The following HIPK3 variants were observed in gnomAD, a reference collection of about 807,000 sequenced individuals.
The protein encoded by HIPK3 is homeodomain interacting protein kinase 3.
In HIPK3, 47 loss-of-function variants were observed where a neutral mutation model predicts 124.2. The observed-to-expected ratio is 0.38, with a 90% CI of 0.30 to 0.48. The LOEUF (loss-of-function observed/expected upper bound fraction) is 0.48, where lower values mean the gene tolerates loss of function less well. Ranked by LOEUF, HIPK3 falls within the 20% of genes least tolerant of loss-of-function variation. The pLI, the probability that HIPK3 is intolerant of heterozygous loss-of-function variation, is 0.98. For synonymous variants in HIPK3, 482 were observed against 515.2 expected (o/e 0.94, Z 0.87); for missense variants, 1,286 against 1,454.3 (o/e 0.88, Z 1.88).
intron 1 of HIPK3, among the ~76,000 whole-genome samples, chr11:33,275,193 C>T (rs1036318073): frequency 6.6e-6 from 1 of 152,054 alleles, no homozygotes; most frequent in Non-Finnish European, 1.5e-5. Flanking sequence ...TTGCGTGCCA[C>T]CATGCCTAGC....
chr11:33,300,676 T>C (rs1158918047), intron 2 of HIPK3, among the ~76,000 whole-genome samples: 1 of 152,200 alleles, frequency 6.6e-6, no homozygotes, highest in Admixed American at 6.5e-5. Context: ...GAACCAAACC[T>C]GCAATATCTC....
intron 8 of HIPK3, among the ~76,000 whole-genome samples, chr11:33,344,664 A>G (rs2133992532): frequency 6.6e-6 from 1 of 152,342 alleles, no homozygotes; most frequent in African/African-American, 2.4e-5. Flanking sequence ...ATTAAATGTC[A>G]TGAACAGCAC....
intron 2 of HIPK3, among the ~76,000 whole-genome samples, chr11:33,309,578 T>G (rs571447303): frequency 6.6e-6 from 1 of 152,250 alleles, no homozygotes; most frequent in Non-Finnish European, 1.5e-5. Flanking sequence ...TTATTTTTAA[T>G]TTAGACCCAG....
In HIPK3 at chr11:33,349,231, T is replaced by A; in HGVS notation, c.2751T>A (p.Thr917=). The change falls in exon 14 of 17, where the codon ACT becomes ACA. Residue 917 remains threonine (T), a synonymous_variant. Coordinates refer to ENST00000303296, the MANE Select transcript of HIPK3 (RefSeq NM_005734.5). ...RMCSLSSPDS[T]LSTSSSGQSS... ...GTTCATTAAGTAGTCCTGATAGTACTCTGAGTACCAGCTCCTCAGGGCAGT... is the reference window on the plus strand; with the variant it reads ...GTTCATTAAGTAGTCCTGATAGTACACTGAGTACCAGCTCCTCAGGGCAGT... 1 of 1,613,686 alleles carries A rather than the reference T, an allele frequency of 6.2e-7. No homozygotes were observed. The highest frequency in any genetic ancestry group is 1.7e-4 in the Middle Eastern group (1 of 6,054).
intron 3 of HIPK3, among the ~76,000 whole-genome samples, chr11:33,333,687 TTG>T: frequency 6.6e-6 from 1 of 152,344 alleles, no homozygotes; most frequent in African/African-American, 2.4e-5. Context: ...GTTTGTTTGT[TTG>T]TTTTTTGTTT....
At chr11:33,271,613 G>C (rs1013655455) in intron 1 of HIPK3, among the ~76,000 whole-genome samples, 23 of 152,162 alleles carry the variant, frequency 1.5e-4, no homozygotes, top group Admixed American at 7.9e-4. Flanking sequence ...TTTGAGAATA[G>C]ATTTCTAATC....
chr11:33,345,365 G>T (rs954960135), intron 8 of HIPK3, among the ~76,000 whole-genome samples: 1 of 152,048 alleles, frequency 6.6e-6, no homozygotes, highest in Non-Finnish European at 1.5e-5. Context: ...AGCTTTTTAT[G>T]TCTTGTCTTC....
At chr11:33,324,970 G>A (rs1852769105) in intron 2 of HIPK3, among the ~76,000 whole-genome samples, 1 of 152,224 alleles carries the variant, frequency 6.6e-6, no homozygotes, top group Non-Finnish European at 1.5e-5. Context: ...ATAATAGATA[G>A]TGAACTTGTA....
intron 1 of HIPK3, among the ~76,000 whole-genome samples, chr11:33,261,291 T>C (rs1396039012): frequency 6.6e-6 from 1 of 151,656 alleles, no homozygotes; most frequent in Admixed American, 6.6e-5. Flanking sequence ...GTGTGTTTGA[T>C]GTACGGATTA....
At chr11:33,347,827 A>G (rs1218939800) in intron 10 of HIPK3, 25 bp from the exon 11 acceptor site, 1 of 1,613,632 alleles carries the variant, frequency 6.2e-7, no homozygotes, top group Admixed American at 1.7e-5. Flanking sequence ...CTTGATTAAA[A>G]ACATTGTTCT....
rs757732993 is a variant in HIPK3 at position 33,353,380 on chromosome 11, A to G, written c.3460A>G (p.Ile1154Val). The part of the protein sequence containing the change: ...RPMLQHPTYN[I>V]SHPSGIVHQV... The stretch of plus-strand genomic sequence containing the variant: ...TATGTTACAGCATCCAACTTATAAT[A>G]TCTCCCATCCCAGTGGCATAGTTCA... The change falls in exon 17 of 17, where the codon ATC (isoleucine) becomes GTC (valine). Residue 1154 changes from isoleucine to valine, a missense_variant. Transcript: ENST00000303296. The G allele has an allele frequency of 1.9e-6, 3 of 1,614,054 alleles. No homozygotes were observed. Among genetic ancestry groups the G allele is most frequent in the South Asian group, 2.2e-5 (2 of 91,082 alleles).
intron 2 of HIPK3, among the ~76,000 whole-genome samples, chr11:33,311,623 T>G (rs1383934319): frequency 3.6e-4 from 55 of 152,150 alleles, no homozygotes. Context: ...TGTACCACAG[T>G]GTACATTTGT....
At chr11:33,258,199 G>GGGGGGGGGGCCCCC in intron 1 of HIPK3, 1 of 636,596 alleles carries the variant, frequency 1.6e-6, no homozygotes, top group Non-Finnish European at 2.0e-6. Context: ...GGGCCCGGGG[G>GGGGGGGGGGCCCCC]CCTCGGCCCC....
Position 33,351,603 on chromosome 11 carries a change from T to C in HIPK3, c.2808-5T>C. On this transcript the variant is annotated splice_region_variant and splice_polypyrimidine_tract_variant and intron_variant, in intron 14 of 16. Transcript: ENST00000303296. Reference sequence around the variant, plus strand: ...TCACTCATAAAAAATGCTTTCTTTTTGTAGTATGTCAGATGAAGAGCAAGA... The same window carrying C: ...TCACTCATAAAAAATGCTTTCTTTTCGTAGTATGTCAGATGAAGAGCAAGA... 6.2e-7 allele frequency: 1 copy of C among 1,606,180 alleles called. No homozygotes were observed. The highest frequency in any genetic ancestry group is 8.5e-7 in the Non-Finnish European group (1 of 1,173,652).
rs1853577432 is a variant in HIPK3, at chr11:33,348,880, C to T, written c.2666+62C>T. On this transcript the variant is annotated intron_variant, in intron 13 of 16. Transcript: ENST00000303296. ...TGGCATCCTTTGGTGTGCCGAAAAA[C>T]AACTTTCTGTGACTTATTTCTTGTT... 7 of 1,459,252 alleles carry T rather than the reference C, an allele frequency of 4.8e-6. No homozygotes were observed. In the South Asian group the frequency reaches 9.1e-5, roughly 19 times the overall value. 90.4% of individuals were successfully genotyped at this position (1,459,252 alleles called of 1,614,324 possible). A position where few individuals can be genotyped will look rare whatever the true frequency, so the allele number is the denominator to read the frequency against.
intron 7 of HIPK3, 75 bp from the exon 8 acceptor site, chr11:33,341,488 G>A (rs1183776136): frequency 7.7e-7 from 1 of 1,301,728 alleles, no homozygotes; most frequent in Non-Finnish European, 1.0e-6. Flanking sequence ...CTTAAGAAAT[G>A]TGTTTGAATT....
At chr11:33,313,000 C>G (rs1852396144) in intron 2 of HIPK3, among the ~76,000 whole-genome samples, 3 of 152,012 alleles carry the variant, frequency 2.0e-5, no homozygotes, top group African/African-American at 7.3e-5. Flanking sequence ...TTGACTATAC[C>G]AGCACATAAC....
chr11:33,287,628 G>T, intron 2 of HIPK3, 117 bp downstream of exon 2: 4 of 1,134,852 alleles, frequency 3.5e-6, no homozygotes, highest in Non-Finnish European at 5.0e-6. Context: ...AGGAAATCAA[G>T]AGAGGATCAA....
At chr11:33,340,641 T>C (rs1201881125) in intron 6 of HIPK3, among the ~76,000 whole-genome samples, 1 of 152,190 alleles carries the variant, frequency 6.6e-6, no homozygotes, top group Non-Finnish European at 1.5e-5. Flanking sequence ...TCTTTGGTAC[T>C]GTTAATTTAG....
Sources: allele counts gnomAD v4.1 joint callset (sites outside exome capture counted in the v4.1 genomes callset), GRCh38; gene constraint gnomAD v4.1.1; transcripts MANE v1.5; gene names NCBI Gene and HGNC (gene_info 2026-07-23, HGNC 2026-07-21).